SNTG1: variants seen among roughly 807,000 people sequenced by gnomAD.
SNTG1 encodes gamma-1-syntrophin.
Under a neutral mutation model 74.7 loss-of-function variants are expected in SNTG1, and 39 were observed. That is an observed-to-expected ratio of 0.52 (90% CI 0.40 to 0.68). The LOEUF (loss-of-function observed/expected upper bound fraction) is 0.68, where lower values mean the gene tolerates loss of function less well. Ranked by LOEUF, SNTG1 falls within the 30% of genes least tolerant of loss-of-function variation. SNTG1 has a pLI of 0.00. For synonymous variants in SNTG1, 254 were observed against 217.1 expected, an observed-to-expected ratio of 1.17 and a Z score of -1.49; for missense variants, 685 against 609.5, an observed-to-expected ratio of 1.12 and a Z score of -1.30.
At chr8:50,555,720 CAA>C (rs1351845725) in intron 12 of SNTG1, among the ~76,000 whole-genome samples, 2 of 151,704 alleles carry the variant, frequency 1.3e-5, no homozygotes, top group Non-Finnish European at 2.9e-5. Flanking sequence ...AAATTCCACT[CAA>C]GAGATTATCA....
chr8:50,604,405 G>T (rs1211134905), intron 13 of SNTG1, among the ~76,000 whole-genome samples: 2 of 151,278 alleles, frequency 1.3e-5, no homozygotes, highest in African/African-American at 4.9e-5. Context: ...GACAGAGGAA[G>T]ACCCTCTTTC....
chr8:50,604,151 G>A (rs1267365993), intron 13 of SNTG1, among the ~76,000 whole-genome samples: 1 of 152,196 alleles, frequency 6.6e-6, no homozygotes, highest in African/African-American at 2.4e-5. Flanking sequence ...GGGTACAGAG[G>A]CTCATGCCTG....
At chr8:50,762,339 C>T (rs2095601356) in intron 18 of SNTG1, 2 of 166,784 alleles carry the variant, frequency 1.2e-5, no homozygotes, top group Admixed American at 6.3e-5. Flanking sequence ...AACCACAAGC[C>T]AGTCTTTGTT....
intron 8 of SNTG1, among the ~76,000 whole-genome samples, chr8:50,497,955 G>A (rs973235687): frequency 6.6e-6 from 1 of 150,744 alleles, no homozygotes; most frequent in African/African-American, 2.4e-5. Context: ...TTTTTTTCTT[G>A]TTATGTGGAG....
At chr8:50,625,965 G>A (rs2094953745) in intron 13 of SNTG1, among the ~76,000 whole-genome samples, 1 of 152,136 alleles carries the variant, frequency 6.6e-6, no homozygotes, top group Non-Finnish European at 1.5e-5. Flanking sequence ...GTGAGACTAT[G>A]GTGGTGGATT....
At chr8:50,497,187 A>C (rs2093912383) in intron 8 of SNTG1, among the ~76,000 whole-genome samples, 1 of 152,032 alleles carries the variant, frequency 6.6e-6, no homozygotes, top group Admixed American at 6.6e-5. Flanking sequence ...CTTGAAAAAA[A>C]CTTTAAGATT....
At chr8:50,758,125 G>T (rs574022025) in intron 18 of SNTG1, among the ~76,000 whole-genome samples, 101 of 151,688 alleles carry the variant, frequency 6.7e-4, no homozygotes, top group South Asian at 1.7e-3. Flanking sequence ...TGCATTTTCT[G>T]CATACATTGC....
intron 1 of SNTG1, among the ~76,000 whole-genome samples, chr8:50,098,393 A>G (rs1301213045): frequency 3.9e-5 from 6 of 152,192 alleles, no homozygotes; most frequent in African/African-American, 1.4e-4. Flanking sequence ...TATACTGAAG[A>G]TATACTGACT....
At chr8:50,395,226 T>C (rs2092711730) in intron 3 of SNTG1, among the ~76,000 whole-genome samples, 1 of 152,174 alleles carries the variant, frequency 6.6e-6, no homozygotes, top group Non-Finnish European at 1.5e-5. Flanking sequence ...ATAAGGTTTT[T>C]CAGAAAACTA....
chr8:50,457,415 C>G (rs938151896), intron 8 of SNTG1, among the ~76,000 whole-genome samples: 2 of 152,140 alleles, frequency 1.3e-5, no homozygotes, highest in East Asian at 3.8e-4. Flanking sequence ...TGACTCTTTC[C>G]GAATTCTCTA....
Position 50,685,602 on chromosome 8 carries a change from T to C in SNTG1, c.1039-18998T>C, listed in dbSNP as rs542216040. Among the ~76,000 whole-genome samples the C allele has an allele frequency of 1.7e-3, 260 of 152,332 alleles. 2 individuals are homozygous for C. Among genetic ancestry groups the C allele is most frequent in the Non-Finnish European group, 2.9e-3 (199 of 68,040 alleles). ...AGGCAGAGTGGAAAATGAAATAATTTCCATAAAAACATTTCATAATATAAA... is the reference window on the plus strand; with the variant it reads ...AGGCAGAGTGGAAAATGAAATAATTCCCATAAAAACATTTCATAATATAAA... On this transcript the variant is annotated intron_variant, in intron 15 of 18. Transcript: ENST00000642720.
intron 1 of SNTG1, among the ~76,000 whole-genome samples, chr8:50,075,623 C>T (rs1414228563): frequency 6.6e-6 from 1 of 152,190 alleles, no homozygotes; most frequent in African/African-American, 2.4e-5. Context: ...ACGTTGGGGC[C>T]TGCTTCCTAC....
chr8:50,603,564 T>C (rs1301376682), intron 13 of SNTG1, among the ~76,000 whole-genome samples: 2 of 152,158 alleles, frequency 1.3e-5, no homozygotes, highest in African/African-American at 4.8e-5. Flanking sequence ...ATAGTCTTGA[T>C]GCTTATGGAG....
At chr8:50,509,958 A>G (rs1316031816) in intron 9 of SNTG1, among the ~76,000 whole-genome samples, 1 of 152,096 alleles carries the variant, frequency 6.6e-6, no homozygotes, top group East Asian at 1.9e-4. Flanking sequence ...ACTATGTTGA[A>G]TAGGAGTGGT....
chr8:50,336,435 A>G (rs2130909262), intron 2 of SNTG1, among the ~76,000 whole-genome samples: 1 of 152,324 alleles, frequency 6.6e-6, no homozygotes, highest in Middle Eastern at 3.4e-3. Flanking sequence ...TATCAGTGCC[A>G]ATTGTTTTGA....
At chr8:50,625,247 C>T (rs1311094370) in intron 13 of SNTG1, among the ~76,000 whole-genome samples, 1 of 152,194 alleles carries the variant, frequency 6.6e-6, no homozygotes, top group African/African-American at 2.4e-5. Context: ...TGATTAGCTG[C>T]TGGGCTTTAT....
intron 8 of SNTG1, among the ~76,000 whole-genome samples, chr8:50,496,782 C>T (rs1446540074): frequency 2.0e-5 from 3 of 152,008 alleles, no homozygotes; most frequent in Non-Finnish European, 4.4e-5. Context: ...TGTGCTAATA[C>T]TTTATCTGAT....
intron 2 of SNTG1, among the ~76,000 whole-genome samples, chr8:50,393,334 T>A (rs776589220): frequency 6.6e-6 from 1 of 152,146 alleles, no homozygotes; most frequent in Non-Finnish European, 1.5e-5. Context: ...TAAAAAGAAA[T>A]GCCAAAGAAA....
chr8:50,081,563 G>T (rs1245026921), intron 1 of SNTG1, among the ~76,000 whole-genome samples: 2 of 151,838 alleles, frequency 1.3e-5, no homozygotes, highest in Non-Finnish European at 2.9e-5. Context: ...ATGTTGCTAT[G>T]CATCATATAT....
Sources: allele counts gnomAD v4.1 joint callset (sites outside exome capture counted in the v4.1 genomes callset), GRCh38; gene constraint gnomAD v4.1.1; transcripts MANE v1.5; gene names NCBI Gene and HGNC (gene_info 2026-07-23, HGNC 2026-07-21).